SLC9A9: variants seen among roughly 807,000 people sequenced by gnomAD.
SLC9A9 encodes solute carrier family 9 member A9.
SLC9A9 carries 62 observed loss-of-function variants against 77.8 expected under a neutral mutation model. The observed-to-expected ratio is 0.80, with a 90% CI of 0.65 to 0.98. The LOEUF is 0.98. Ranked by LOEUF, SLC9A9 falls within the 50% of genes least tolerant of loss-of-function variation. The pLI, the probability that SLC9A9 is intolerant of heterozygous loss-of-function variation, is 0.00. For missense variants in SLC9A9, 775 were observed against 774.9 expected, an observed-to-expected ratio of 1.00 and a Z score of 0.00; for synonymous variants, 320 against 283.5, an observed-to-expected ratio of 1.13 and a Z score of -1.29.
chr3:143,374,252 C>T (rs994002882), intron 13 of SLC9A9, among the ~76,000 whole-genome samples: 13 of 151,698 alleles, frequency 8.6e-5, no homozygotes, highest in East Asian at 7.8e-4. Context: ...GGTGAAACCC[C>T]GTCTGTACTG....
chr3:143,592,948 G>A (rs1278196599), intron 6 of SLC9A9, among the ~76,000 whole-genome samples: 1 of 152,076 alleles, frequency 6.6e-6, no homozygotes, highest in Non-Finnish European at 1.5e-5. Flanking sequence ...CCTGGAACAT[G>A]GGGGAGAAGT....
chr3:143,493,640 A>G lies in SLC9A9; in HGVS notation c.1315+13T>C, dbSNP rs199858098. On this transcript the variant is annotated intron_variant, in intron 11 of 15. Transcript: ENST00000316549. ...AAAACCAGCAGCACTAACATATAAC[A>G]TAGTTCACATACCTGAAAACATCAT... 19 of 1,603,060 alleles carry G rather than the reference A, an allele frequency of 1.2e-5. No homozygotes were observed. In the Middle Eastern group the frequency reaches 5.0e-4, roughly 42 times the overall value.
At chr3:143,299,190 C>T (rs2030408740) in intron 14 of SLC9A9, among the ~76,000 whole-genome samples, 1 of 152,154 alleles carries the variant, frequency 6.6e-6, no homozygotes, top group Non-Finnish European at 1.5e-5. Flanking sequence ...TTACTTTCTT[C>T]TTCCCAGAAC....
intron 1 of SLC9A9, among the ~76,000 whole-genome samples, chr3:143,835,350 T>A (rs2009542715): frequency 6.6e-6 from 1 of 152,242 alleles, no homozygotes; most frequent in Admixed American, 6.5e-5. Flanking sequence ...TCTTGCTAGA[T>A]GGTAAGAGCC....
intron 6 of SLC9A9, among the ~76,000 whole-genome samples, chr3:143,591,091 C>T (rs1314699863): frequency 2.6e-5 from 4 of 152,202 alleles, no homozygotes; most frequent in Non-Finnish European, 4.4e-5. Context: ...CCTGAGACGG[C>T]CTGAGGGAGT....
chr3:143,498,900 T>C (rs915671005), intron 9 of SLC9A9, among the ~76,000 whole-genome samples: 6 of 152,346 alleles, frequency 3.9e-5, no homozygotes, highest in African/African-American at 9.6e-5. Flanking sequence ...ATTTAAAAAA[T>C]TATATTAATG....
In SLC9A9 at chr3:143,265,967, C is replaced by G. The variant is rs182886887; in HGVS notation, c.*735G>C. The stretch of plus-strand genomic sequence containing the variant: ...GGGAAGGCTTGTTCTTCAGGCACAA[C>G]GTGGTATGGGGAGAAGAAACCTGGT... On this transcript the variant is annotated 3_prime_UTR_variant, in exon 16 of 16. Transcript: ENST00000316549. 4.4e-6 allele frequency: 3 copies of G among 674,252 alleles called. No homozygotes were observed. Among genetic ancestry groups the G allele is most frequent in the African/African-American group, 1.8e-5 (1 of 56,270 alleles). 41.8% of individuals were successfully genotyped at this position (674,252 alleles called of 1,614,324 possible). A position where few individuals can be genotyped will look rare whatever the true frequency, so the allele number is the denominator to read the frequency against.
intron 14 of SLC9A9, among the ~76,000 whole-genome samples, chr3:143,322,968 G>A (rs931083249): frequency 6.6e-6 from 1 of 152,252 alleles, no homozygotes; most frequent in East Asian, 1.9e-4. Context: ...TGGCCAGTAG[G>A]TGTATGAAAA....
At chr3:143,755,455 G>T (rs1161915808) in intron 4 of SLC9A9, among the ~76,000 whole-genome samples, 2 of 152,026 alleles carry the variant, frequency 1.3e-5, no homozygotes, top group Non-Finnish European at 2.9e-5. Flanking sequence ...AGAAAGAGGG[G>T]GTGCCTAAAT....
At chr3:143,809,090 T>C (rs919966870) in intron 2 of SLC9A9, among the ~76,000 whole-genome samples, 4 of 152,218 alleles carry the variant, frequency 2.6e-5, no homozygotes, top group Admixed American at 6.5e-5. Flanking sequence ...TATCAATGCA[T>C]ATTTGAAAGT....
intron 14 of SLC9A9, among the ~76,000 whole-genome samples, chr3:143,328,200 CTAA>C (rs1413433214): frequency 2.0e-4 from 30 of 152,262 alleles, no homozygotes; most frequent in African/African-American, 7.2e-4. Context: ...TGGACTTCGG[CTAA>C]TAATGTGTCA....
intron 6 of SLC9A9, among the ~76,000 whole-genome samples, chr3:143,593,963 A>G (rs1478107225): frequency 6.6e-6 from 1 of 152,138 alleles, no homozygotes; most frequent in Non-Finnish European, 1.5e-5. Context: ...TCTGCCTTGG[A>G]TTTGCCTGAC....
In SLC9A9 at chr3:143,268,882, G is replaced by T. The variant is rs1208317628; in HGVS notation, c.1703C>A (p.Ala568Asp). ...GGCCTGAGATTTACTTACCCCATAG[G>T]CTTGAGGACTGGTAAGCAGCCTGGA... Reference protein sequence around the residue: ...PISRLLTSPQAYGEQLKEDDV... With the variant: ...PISRLLTSPQDYGEQLKEDDV... Residue 568 changes from alanine (A) to aspartate (D), a missense_variant, in exon 15 of 16, where the codon GCC becomes GAC. Ala to Asp is a moderately radical substitution (Grantham distance 126, BLOSUM62 -2). Transcript: ENST00000316549. 3 of 1,612,938 alleles carry T rather than the reference G, an allele frequency of 1.9e-6. No homozygotes were observed. The highest frequency in any genetic ancestry group is 2.5e-6 in the Non-Finnish European group (3 of 1,179,148).
intron 12 of SLC9A9, among the ~76,000 whole-genome samples, chr3:143,423,270 C>CAT (rs1203494805): frequency 3.3e-5 from 5 of 151,236 alleles, no homozygotes; most frequent in Non-Finnish European, 5.9e-5. Flanking sequence ...CACACACACA[C>CAT]ACACACACAC....
chr3:143,578,243 A>T (rs948989790), intron 7 of SLC9A9, among the ~76,000 whole-genome samples: 6 of 152,198 alleles, frequency 3.9e-5, no homozygotes, highest in African/African-American at 1.4e-4. Flanking sequence ...CTGGATCTTC[A>T]GTTCTTCCTC....
chr3:143,339,303 A>G (rs1273702257), intron 14 of SLC9A9, among the ~76,000 whole-genome samples: 1 of 151,998 alleles, frequency 6.6e-6, no homozygotes, highest in Admixed American at 6.6e-5. Context: ...CTCCCTCCCT[A>G]CTAGTATGTA....
intron 14 of SLC9A9, among the ~76,000 whole-genome samples, chr3:143,349,654 G>A (rs1213109235): frequency 1.3e-5 from 2 of 152,176 alleles, no homozygotes; most frequent in Admixed American, 6.5e-5. Context: ...ACAAAGATCT[G>A]AACCTAGCTA....
intron 8 of SLC9A9, among the ~76,000 whole-genome samples, chr3:143,561,362 AT>A (rs1251369595): frequency 6.6e-6 from 1 of 152,218 alleles, no homozygotes; most frequent in East Asian, 1.9e-4. Flanking sequence ...GGACAAAAAG[AT>A]TGAAAATAAG....
chr3:143,328,208 G>C (rs1050925774), intron 14 of SLC9A9, among the ~76,000 whole-genome samples: 1 of 152,200 alleles, frequency 6.6e-6, no homozygotes, highest in African/African-American at 2.4e-5. Context: ...GGCTAATAAT[G>C]TGTCAATATT....
Sources: allele counts gnomAD v4.1 joint callset (sites outside exome capture counted in the v4.1 genomes callset), GRCh38; gene constraint gnomAD v4.1.1; transcripts MANE v1.5; gene names NCBI Gene and HGNC (gene_info 2026-07-23, HGNC 2026-07-21).